Variants in PTPRD observed in about 807,000 individuals in gnomAD.
PTPRD encodes the protein receptor-type tyrosine-protein phosphatase delta.
Under a neutral mutation model 214.5 loss-of-function variants are expected in PTPRD, and 34 were observed. The observed-to-expected ratio is 0.16, with a 90% confidence interval of 0.12 to 0.21. The LOEUF (loss-of-function observed/expected upper bound fraction) is 0.21, where lower values mean the gene tolerates loss of function less well. Among genes scored for constraint, PTPRD ranks in the 10% least tolerant of loss-of-function variants. The pLI is 1.00. For synonymous variants in PTPRD, 1,128 were observed against 845.7 expected (o/e 1.33, Z -5.79); for missense variants, 2,545 against 2,398.7 (o/e 1.06, Z -1.27).
chr9:9,289,580 C>G (rs576644393), intron 9 of PTPRD, among the ~76,000 whole-genome samples: 2 of 151,876 alleles, frequency 1.3e-5, no homozygotes, highest in African/African-American at 4.8e-5. Context: ...AGGACTTATT[C>G]ATCTTACAAT....
Position 8,937,048 on chromosome 9 carries a change from C to CGTGT in PTPRD, c.-104+81645_-104+81648dup, listed in dbSNP as rs1383461286. ...TACAGACATTACCACTTTCTGATGGCGTGTGTTCCTTCTAATATTAGAGAA... is the reference window on the plus strand; with the variant it reads ...TACAGACATTACCACTTTCTGATGGCGTGTGTGTGTTCCTTCTAATATTAGAGAA... On this transcript the variant is annotated intron_variant, in intron 11 of 45. Coordinates refer to ENST00000381196, the MANE Select transcript of PTPRD (RefSeq NM_002839.4). Among the ~76,000 whole-genome samples, 65 of 150,022 alleles carry CGTGT rather than the reference C, an allele frequency of 4.3e-4. 1 individual carries two copies. Among genetic ancestry groups the CGTGT allele is most frequent in the Non-Finnish European group, 7.5e-4 (51 of 67,712 alleles).
intron 8 of PTPRD, among the ~76,000 whole-genome samples, chr9:9,545,370 T>G (rs149007800): frequency 0.017 from 2,512 of 151,974 alleles, 39 homozygotes; most frequent in Admixed American, 0.026. Context: ...TTTCGTCTTT[T>G]CTAGAATGTC....
chr9:10,110,997 T>C (rs1444279102), intron 3 of PTPRD, among the ~76,000 whole-genome samples: 1 of 152,192 alleles, frequency 6.6e-6, no homozygotes, highest in Non-Finnish European at 1.5e-5. Flanking sequence ...ATTGTCTTTC[T>C]GGATTCAACA....
chr9:10,453,942 T>C (rs1307659841), intron 2 of PTPRD, among the ~76,000 whole-genome samples: 2 of 151,646 alleles, frequency 1.3e-5, no homozygotes, highest in African/African-American at 4.8e-5. Flanking sequence ...TTGTCATATA[T>C]GGCCTTTATC....
intron 11 of PTPRD, among the ~76,000 whole-genome samples, chr9:8,946,674 T>C (rs1421026996): frequency 6.6e-6 from 1 of 152,084 alleles, no homozygotes; most frequent in Non-Finnish European, 1.5e-5. Flanking sequence ...TGCAGTCTCT[T>C]TGTTTTCTTT....
At position 8,520,545 on chromosome 9, in the gene PTPRD, C is replaced by G. The variant is rs1347627992; in HGVS notation, c.961+732G>C. ...AATAGTTCTAGCCATCTGCAGAAAA[C>G]TTAAGTTGCCCTATGTCTGACTCAA... On this transcript the variant is annotated intron_variant, in intron 20 of 45. Transcript: ENST00000381196. Among the ~76,000 whole-genome samples, 4 of 152,036 alleles carry G rather than the reference C, an allele frequency of 2.6e-5. No homozygotes were observed. In the East Asian group the frequency reaches 7.7e-4, roughly 29 times the overall value.
chr9:9,373,202 C>T (rs1000426627), intron 9 of PTPRD, among the ~76,000 whole-genome samples: 4 of 151,996 alleles, frequency 2.6e-5, no homozygotes, highest in Non-Finnish European at 2.9e-5. Flanking sequence ...AGTTCAAATA[C>T]CTGTTCTACC....
intron 8 of PTPRD, among the ~76,000 whole-genome samples, chr9:9,434,297 C>A (rs1263318238): frequency 6.6e-6 from 1 of 152,074 alleles, no homozygotes; most frequent in African/African-American, 2.4e-5. Flanking sequence ...TTATTTAATG[C>A]ACTTAACCAG....
intron 3 of PTPRD, among the ~76,000 whole-genome samples, chr9:10,185,474 T>C (rs1480498748): frequency 2.0e-5 from 3 of 152,182 alleles, no homozygotes; most frequent in African/African-American, 7.2e-5. Flanking sequence ...TGGTAAACTG[T>C]ATTCTAGGCA....
intron 2 of PTPRD, among the ~76,000 whole-genome samples, chr9:10,514,747 A>G (rs923399299): frequency 1.3e-5 from 2 of 151,982 alleles, no homozygotes; most frequent in African/African-American, 4.8e-5. Context: ...TATAAGCAAG[A>G]TAGTTTGTTG....
chr9:8,426,724 T>A (rs1590110679), intron 35 of PTPRD, among the ~76,000 whole-genome samples: 2 of 149,578 alleles, frequency 1.3e-5, no homozygotes, highest in African/African-American at 4.9e-5. Context: ...CGGGTAGGAC[T>A]CCCACAAGAA....
intron 35 of PTPRD, among the ~76,000 whole-genome samples, chr9:8,430,810 G>A (rs146847258): frequency 3.3e-5 from 5 of 152,190 alleles, no homozygotes; most frequent in African/African-American, 9.6e-5. Flanking sequence ...CACTAAGAGT[G>A]CCATCTTCTC....
chr9:9,254,514 A>G (rs946383885), intron 9 of PTPRD, among the ~76,000 whole-genome samples: 7 of 152,074 alleles, frequency 4.6e-5, no homozygotes, highest in Non-Finnish European at 8.8e-5. Context: ...GATTTTTAAC[A>G]TGAAGGATGG....
At chr9:8,672,828 T>G (rs905773073) in intron 12 of PTPRD, among the ~76,000 whole-genome samples, 1 of 142,570 alleles carries the variant, frequency 7.0e-6, no homozygotes, top group African/African-American at 2.6e-5. Flanking sequence ...TCCAACATCT[T>G]AATTTTTGTA....
intron 9 of PTPRD, among the ~76,000 whole-genome samples, chr9:9,224,905 A>G (rs1380088928): frequency 6.6e-6 from 1 of 152,020 alleles, no homozygotes; most frequent in Non-Finnish European, 1.5e-5. Flanking sequence ...TTGTCTATGA[A>G]CTGAAATTGC....
intron 15 of PTPRD, chr9:8,528,144 T>C (rs1393485316): frequency 3.1e-6 from 1 of 327,056 alleles, no homozygotes; most frequent in Non-Finnish European, 5.4e-6. Context: ...TTTAATAAAA[T>C]TGAAACATTT....
chr9:9,002,171 G>C (rs1239882452), intron 11 of PTPRD, among the ~76,000 whole-genome samples: 1 of 151,818 alleles, frequency 6.6e-6, no homozygotes, highest in East Asian at 1.9e-4. Context: ...CTAGAAGATA[G>C]GATATTTATC....
chr9:8,889,173 C>T (rs1014525216), intron 11 of PTPRD, among the ~76,000 whole-genome samples: 2 of 152,022 alleles, frequency 1.3e-5, no homozygotes, highest in African/African-American at 4.8e-5. Flanking sequence ...GATGGCTTCC[C>T]AGATTCTGAC....
At chr9:8,609,521 G>T (rs1220903205) in intron 14 of PTPRD, among the ~76,000 whole-genome samples, 1 of 152,194 alleles carries the variant, frequency 6.6e-6, no homozygotes, top group Non-Finnish European at 1.5e-5. Flanking sequence ...GAATCAGGTG[G>T]ATGTGCATTC....
Sources: allele counts gnomAD v4.1 joint callset (sites outside exome capture counted in the v4.1 genomes callset), GRCh38; gene constraint gnomAD v4.1.1; transcripts MANE v1.5; gene names NCBI Gene and HGNC (gene_info 2026-07-23, HGNC 2026-07-21).